Variants in EPSTI1 observed in about 807,000 individuals in gnomAD.
EPSTI1 encodes epithelial stromal interaction 1.
Under a neutral mutation model 49.9 loss-of-function variants are expected in EPSTI1, and 66 were observed. The observed-to-expected ratio is 1.32, with a 90% CI of 1.08 to 1.62. EPSTI1 has a LOEUF of 1.62. EPSTI1 is among the 40% of genes most tolerant of loss of function. The probability of loss-of-function intolerance (pLI) is 0.00; values close to 1 mark genes in which losing one functional copy is unlikely to be tolerated. For synonymous variants in EPSTI1, 137 were observed against 130.7 expected, an observed-to-expected ratio of 1.05 and a Z score of -0.33; for missense variants, 394 against 365.5, an observed-to-expected ratio of 1.08 and a Z score of -0.64.
chr13:42,977,994 C>CA (rs954816483), intron 1 of EPSTI1, among the ~76,000 whole-genome samples: 48 of 150,974 alleles, frequency 3.2e-4, no homozygotes, highest in East Asian at 9.7e-4. Context: ...ACTAAAAATA[C>CA]AAAAAAAAAT....
In EPSTI1 at chr13:42,895,108, C is replaced by G; in HGVS notation, c.816G>C (p.Arg272Ser). The change falls in exon 10 of 11, where the codon AGG (arginine) becomes AGC (serine). Residue 272 changes from arginine (R) to serine (S), a missense_variant and splice_region_variant. By Grantham distance (110) the Arg-to-Ser change is moderately radical (BLOSUM62 -1). Coordinates refer to ENST00000313624, the MANE Select transcript of EPSTI1 (RefSeq NM_033255.5). ...RAKIHQTEHR[R>S]VNNAFLDRLQ... is the part of the protein sequence containing the mutation. ...GTCGGTCCAGAAAAGCATTATTTACCCTTTAAAACAATGAAAAATGTGTGT... is the reference window on the plus strand; with the variant it reads ...GTCGGTCCAGAAAAGCATTATTTACGCTTTAAAACAATGAAAAATGTGTGT... 1 of 1,607,436 alleles carries G rather than the reference C, an allele frequency of 6.2e-7. No homozygotes were observed. Among genetic ancestry groups the G allele is most frequent in the African/African-American group, 1.3e-5 (1 of 74,718 alleles).
chr13:42,911,264 T>TGTGTGGGC (rs549150890), intron 8 of EPSTI1, among the ~76,000 whole-genome samples: 1 of 148,448 alleles, frequency 6.7e-6, no homozygotes, highest in African/African-American at 2.6e-5. Context: ...TGTGTGTGTG[T>TGTGTGGGC]GCGCGCGCAC....
At chr13:42,915,079 C>G (rs1271521621) in intron 8 of EPSTI1, among the ~76,000 whole-genome samples, 1 of 152,102 alleles carries the variant, frequency 6.6e-6, no homozygotes, top group African/African-American at 2.4e-5. Flanking sequence ...TAGTAGGTAT[C>G]CAATAAATAT....
At chr13:42,939,485 T>C (rs542881627) in intron 6 of EPSTI1, among the ~76,000 whole-genome samples, 3 of 152,334 alleles carry the variant, frequency 2.0e-5, no homozygotes, top group South Asian at 2.1e-4. Flanking sequence ...GGGTTATTAA[T>C]TGGCCTAATT....
rs368360746 is a variant in EPSTI1 at position 42,970,596 on chromosome 13, G to A, written c.247+16C>T. 4 of 1,581,978 alleles carry A rather than the reference G, an allele frequency of 2.5e-6. 1 individual carries two copies. Among genetic ancestry groups the A allele is most frequent in the Admixed American group, 3.6e-5 (2 of 55,206 alleles). On this transcript the variant is annotated intron_variant, in intron 2 of 10. Transcript: ENST00000313624. The stretch of plus-strand genomic sequence containing the variant: ...GAGAGAAGCATTCTGAATGTTAAAT[G>A]AATGACTATACATACTTCTTTGTAT...
chr13:42,902,131 T>C (rs2037379542), intron 8 of EPSTI1, among the ~76,000 whole-genome samples: 1 of 152,248 alleles, frequency 6.6e-6, no homozygotes, highest in Non-Finnish European at 1.5e-5. Context: ...GTATTATCTT[T>C]TGACTACCTA....
chr13:42,910,257 CTTTTTTTTTTT>C (rs71099807), intron 8 of EPSTI1, among the ~76,000 whole-genome samples: 3 of 97,668 alleles, frequency 3.1e-5, no homozygotes, highest in African/African-American at 4.1e-5. Context: ...TTAACCAAAT[CTTTTTTTTTTT>C]TTTTTTTTTT....
chr13:42,957,010 T>C (rs1371381356), intron 5 of EPSTI1, among the ~76,000 whole-genome samples: 2 of 152,122 alleles, frequency 1.3e-5, no homozygotes, highest in African/African-American at 2.4e-5. Context: ...GGGCCACAAA[T>C]ACACGAGAAC....
Position 42,965,919 on chromosome 13 carries a change from G to T in EPSTI1, c.332-1780C>A, listed in dbSNP as rs1437760222. 3.4e-5 allele frequency among the ~76,000 whole-genome samples: 2 copies of T among 59,098 alleles called. 1 individual carries two copies. The highest frequency in any genetic ancestry group is 9.6e-5 in the African/African-American group (2 of 20,728). The allele number at this position is 59,098 out of a possible 152,430, so 38.8% of individuals were successfully genotyped here. A position where few individuals can be genotyped will look rare whatever the true frequency, so the allele number is the denominator to read the frequency against. On this transcript the variant is annotated intron_variant, in intron 3 of 10. Coordinates refer to ENST00000313624, the MANE Select transcript of EPSTI1 (RefSeq NM_033255.5). ...CCTGATTCTCCTGCCTCAGTCTGCC[G>T]AATGCCTGCAATTGCAGGCACGCGC...
intron 1 of EPSTI1, among the ~76,000 whole-genome samples, chr13:42,979,049 T>C (rs2039934774): frequency 6.6e-6 from 1 of 152,206 alleles, no homozygotes; most frequent in Non-Finnish European, 1.5e-5. Flanking sequence ...TAAAAATTAG[T>C]ACATATTTTT....
At chr13:42,968,921 TACAC>T (rs71970864) in intron 3 of EPSTI1, among the ~76,000 whole-genome samples, 169 bp downstream of exon 3, 9,872 of 117,358 alleles carry the variant, frequency 0.084, 488 homozygotes, top group Non-Finnish European at 0.1. Flanking sequence ...AAAAAAAAAA[TACAC>T]ACACACACAC....
intron 10 of EPSTI1, among the ~76,000 whole-genome samples, chr13:42,890,153 ACT>A (rs1283187976): frequency 1.3e-5 from 2 of 152,072 alleles, no homozygotes; most frequent in Non-Finnish European, 2.9e-5. Context: ...TGAATTGGTT[ACT>A]CTCAGTTCTT....
At chr13:42,927,814 G>A (rs554823965) in intron 6 of EPSTI1, among the ~76,000 whole-genome samples, 3 of 152,336 alleles carry the variant, frequency 2.0e-5, no homozygotes, top group Non-Finnish European at 2.9e-5. Context: ...AAGTCACAGA[G>A]TGTGGAAGCT....
intron 6 of EPSTI1, among the ~76,000 whole-genome samples, chr13:42,927,188 G>A (rs1242108747): frequency 6.6e-6 from 1 of 152,130 alleles, no homozygotes; most frequent in Non-Finnish European, 1.5e-5. Context: ...GAAGTTCTCT[G>A]TTTTTACCTT....
intron 7 of EPSTI1, 115 bp from the exon 8 acceptor site, chr13:42,917,739 C>A: frequency 1.5e-6 from 1 of 688,028 alleles, no homozygotes; most frequent in South Asian, 1.9e-5. Flanking sequence ...AACCTCCGTA[C>A]TGAGCATATA....
intron 7 of EPSTI1, chr13:42,919,272 G>T: frequency 1.2e-6 from 2 of 1,612,170 alleles, no homozygotes; most frequent in Non-Finnish European, 1.7e-6. Flanking sequence ...GAAAAGTTCA[G>T]TTACTTGCAA....
rs957668410 is a variant in EPSTI1, at chr13:42,887,194, C to G, written c.*1300G>C. 1.3e-5 allele frequency: 2 copies of G among 152,202 alleles called. No individual in the cohort carries two copies. The highest frequency in any genetic ancestry group is 4.8e-5 in the African/African-American group (2 of 41,444). 9.4% of individuals were successfully genotyped at this position (152,202 alleles called of 1,614,324 possible). A position where few individuals can be genotyped will look rare whatever the true frequency, so the allele number is the denominator to read the frequency against. Reference sequence around the variant, plus strand: ...TATATTAGTGTCAACAGCACTAACACAGCTTCAGCTGGCGGAGGAGAGGGA... The same window carrying G: ...TATATTAGTGTCAACAGCACTAACAGAGCTTCAGCTGGCGGAGGAGAGGGA... On this transcript the variant is annotated 3_prime_UTR_variant, in exon 11 of 11. Coordinates refer to ENST00000313624, the MANE Select transcript of EPSTI1 (RefSeq NM_033255.5).
At chr13:42,938,640 G>A (rs116232332) in intron 6 of EPSTI1, among the ~76,000 whole-genome samples, 3,769 of 152,130 alleles carry the variant, frequency 0.025, 130 homozygotes, top group East Asian at 0.11. Context: ...TAGGCTGGGT[G>A]CAGCGGCTCA....
At chr13:42,946,931 C>A (rs2038934704) in intron 6 of EPSTI1, among the ~76,000 whole-genome samples, 1 of 152,132 alleles carries the variant, frequency 6.6e-6, no homozygotes, top group South Asian at 2.1e-4. Context: ...CAAAACCATC[C>A]CCCTTGCCCC....
Sources: gnomAD v4.1 joint callset for allele counts (sites outside exome capture counted in the v4.1 genomes callset) on GRCh38, gnomAD v4.1.1 for gene constraint, MANE v1.5 for transcripts, NCBI Gene and HGNC (gene_info 2026-07-23, HGNC 2026-07-21) for gene names.